CNTNAP2: variants seen among roughly 807,000 people sequenced by gnomAD.
The protein encoded by CNTNAP2 is contactin associated protein 2.
Under a neutral mutation model 155.2 loss-of-function variants are expected in CNTNAP2, and 98 were observed. The ratio of observed to expected loss-of-function variants is 0.63; its 90% CI spans 0.54 to 0.75. CNTNAP2 has a LOEUF of 0.75. Ranked by LOEUF, CNTNAP2 falls within the 30% of genes least tolerant of loss-of-function variation. The probability of loss-of-function intolerance (pLI) is 0.00; values close to 1 mark genes in which losing one functional copy is unlikely to be tolerated. For synonymous variants in CNTNAP2, 651 were observed against 631.2 expected, an observed-to-expected ratio of 1.03 and a Z score of -0.47; for missense variants, 1,727 against 1,688.1, an observed-to-expected ratio of 1.02 and a Z score of -0.40.
At chr7:147,739,542 C>T (rs1796920948) in intron 13 of CNTNAP2, among the ~76,000 whole-genome samples, 1 of 152,076 alleles carries the variant, frequency 6.6e-6, no homozygotes, top group Middle Eastern at 3.4e-3. Context: ...TTTCAGGGTT[C>T]TTATGGAAAG....
intron 8 of CNTNAP2, among the ~76,000 whole-genome samples, chr7:147,288,959 T>G (rs1406311565): frequency 6.6e-6 from 1 of 151,964 alleles, no homozygotes; most frequent in Non-Finnish European, 1.5e-5. Flanking sequence ...AAAATAATAA[T>G]GATAAAAGCT....
intron 22 of CNTNAP2, among the ~76,000 whole-genome samples, chr7:148,388,848 T>G (rs535271770): frequency 3.2e-4 from 49 of 152,090 alleles, no homozygotes; most frequent in Admixed American, 2.5e-3. Context: ...AGAACAGCGG[T>G]TTTTCGTGAA....
intron 1 of CNTNAP2, among the ~76,000 whole-genome samples, chr7:146,631,500 C>T (rs1414090759): frequency 1.3e-5 from 2 of 152,150 alleles, no homozygotes; most frequent in East Asian, 1.9e-4. Context: ...TCTACATCCT[C>T]TTCCATGTGA....
At chr7:146,933,220 G>T (rs961010024) in intron 3 of CNTNAP2, among the ~76,000 whole-genome samples, 1 of 151,834 alleles carries the variant, frequency 6.6e-6, no homozygotes, top group Non-Finnish European at 1.5e-5. Flanking sequence ...AAACAGCATG[G>T]TACTGGTACC....
At chr7:147,707,550 T>C (rs748515407) in intron 13 of CNTNAP2, among the ~76,000 whole-genome samples, 2 of 152,154 alleles carry the variant, frequency 1.3e-5, no homozygotes, top group Non-Finnish European at 2.9e-5. Flanking sequence ...AAACATGCCT[T>C]TCCTTGGGCC....
At chr7:148,148,955 C>T (rs1221223729) in intron 17 of CNTNAP2, among the ~76,000 whole-genome samples, 1 of 152,152 alleles carries the variant, frequency 6.6e-6, no homozygotes, top group African/African-American at 2.4e-5. Context: ...CACAAAATTA[C>T]ACATTATTTT....
chr7:148,283,303 GA>G lies in CNTNAP2; in HGVS notation c.3475+16180del, dbSNP rs1208770118. ...AGAAAGAAAGAAAGAAAGAAAGAAA[GA>G]AAGGAAGGAAGGAAGGAAAGAAAGA... On this transcript the variant is annotated intron_variant, in intron 21 of 23. Coordinates refer to ENST00000361727, the MANE Select transcript of CNTNAP2 (RefSeq NM_014141.6). Among the ~76,000 whole-genome samples the G allele has an allele frequency of 5.8e-5, 5 of 86,638 alleles. 1 individual carries two copies. Among genetic ancestry groups the G allele is most frequent in the African/African-American group, 3.7e-4 (5 of 13,654 alleles). The allele number at this position is 86,638 out of a possible 152,430, so 56.8% of individuals were successfully genotyped here.
intron 1 of CNTNAP2, among the ~76,000 whole-genome samples, chr7:146,648,200 A>G (rs1248899278): frequency 2.6e-5 from 4 of 152,186 alleles, no homozygotes; most frequent in East Asian, 1.9e-4. Context: ...TTTATAAGGT[A>G]GATGTTGTGT....
Position 147,293,794 on chromosome 7 carries a change from C to T in CNTNAP2, c.1349-6347C>T, listed in dbSNP as rs1805362191. Among the ~76,000 whole-genome samples, 4 of 152,152 alleles carry T rather than the reference C, an allele frequency of 2.6e-5. No individual in the cohort carries two copies. In the South Asian group the frequency reaches 8.3e-4, roughly 32 times the overall value. ...CTTTAAAAATGATAACATTAGAAAGCACGGATAGAAAACTTTTCATTAATA... is the reference window on the plus strand; with the variant it reads ...CTTTAAAAATGATAACATTAGAAAGTACGGATAGAAAACTTTTCATTAATA... On this transcript the variant is annotated intron_variant, in intron 8 of 23. Coordinates refer to ENST00000361727, the MANE Select transcript of CNTNAP2 (RefSeq NM_014141.6).
chr7:146,332,939 C>CTTTT (rs1256959883), intron 1 of CNTNAP2, among the ~76,000 whole-genome samples: 1 of 118,688 alleles, frequency 8.4e-6, no homozygotes, highest in Non-Finnish European at 1.8e-5. Context: ...TTTTCTTCTT[C>CTTTT]TATTTTTTTT....
intron 11 of CNTNAP2, among the ~76,000 whole-genome samples, chr7:147,554,355 A>G (rs1261900448): frequency 6.6e-5 from 10 of 151,926 alleles, no homozygotes; most frequent in African/African-American, 2.4e-4. Flanking sequence ...TGTGACTGGC[A>G]TTGCAATAGT....
chr7:147,860,764 C>T (rs955227026), intron 13 of CNTNAP2, among the ~76,000 whole-genome samples: 1 of 151,974 alleles, frequency 6.6e-6, no homozygotes, highest in African/African-American at 2.4e-5. Context: ...TATAAATTAC[C>T]GAGTCTCAGG....
chr7:147,707,787 G>A (rs536502861), intron 13 of CNTNAP2, among the ~76,000 whole-genome samples: 1 of 152,316 alleles, frequency 6.6e-6, no homozygotes, highest in East Asian at 1.9e-4. Flanking sequence ...TGGCTACAAT[G>A]GGCTGGGAAG....
intron 8 of CNTNAP2, among the ~76,000 whole-genome samples, chr7:147,177,232 A>C (rs1802367539): frequency 6.6e-6 from 1 of 152,022 alleles, no homozygotes; most frequent in African/African-American, 2.4e-5. Flanking sequence ...CTTCACCCAA[A>C]TCTCACCTTG....
intron 9 of CNTNAP2, among the ~76,000 whole-genome samples, chr7:147,360,647 A>G (rs1421972588): frequency 6.6e-6 from 1 of 151,620 alleles, no homozygotes; most frequent in African/African-American, 2.4e-5. Flanking sequence ...TGAAAAAAAA[A>G]CTCTCTGTAC....
At chr7:147,284,205 A>C (rs1016753309) in intron 8 of CNTNAP2, among the ~76,000 whole-genome samples, 2 of 151,614 alleles carry the variant, frequency 1.3e-5, no homozygotes, top group African/African-American at 2.4e-5. Context: ...TGGTCTTTCT[A>C]TTCCTCTCTA....
chr7:148,195,031 G>C (rs1795254411), intron 18 of CNTNAP2, among the ~76,000 whole-genome samples: 1 of 152,152 alleles, frequency 6.6e-6, no homozygotes. Flanking sequence ...TCAGCACTCA[G>C]TCAACACCCA....
rs1464351571 is a variant in CNTNAP2 at position 148,417,347 on chromosome 7, C to CACCAGTA, written c.*1732_*1738dup. On this transcript the variant is annotated 3_prime_UTR_variant, in exon 24 of 24. Transcript: ENST00000361727. ...ACCTAGAGTTGCCAGTGGCACATTA[C>CACCAGTA]ACCAGTACAGAGCACATTCCAAAGG... The CACCAGTA allele has an allele frequency of 6.6e-6, 1 of 152,616 alleles. No homozygotes were observed. The highest frequency in any genetic ancestry group is 2.4e-5 in the African/African-American group (1 of 41,438). 9.5% of individuals were successfully genotyped at this position (152,616 alleles called of 1,614,324 possible). A position where few individuals can be genotyped will look rare whatever the true frequency, so the allele number is the denominator to read the frequency against.
chr7:146,574,284 A>G (rs1237976986), intron 1 of CNTNAP2, among the ~76,000 whole-genome samples: 1 of 152,210 alleles, frequency 6.6e-6, no homozygotes. Flanking sequence ...GTTTTGTTTT[A>G]TTACCATACA....
Sources: gnomAD v4.1 joint callset for allele counts (sites outside exome capture counted in the v4.1 genomes callset) on GRCh38, gnomAD v4.1.1 for gene constraint, MANE v1.5 for transcripts, NCBI Gene and HGNC (gene_info 2026-07-23, HGNC 2026-07-21) for gene names.